The following PAN3 variants were observed in gnomAD, a reference collection of about 807,000 sequenced individuals.
PAN3 encodes the protein poly(A) specific ribonuclease subunit PAN3.
In PAN3, 19 loss-of-function variants were observed where a neutral mutation model predicts 96.2. That is an observed-to-expected ratio of 0.20 (90% CI 0.14 to 0.29). The LOEUF (loss-of-function observed/expected upper bound fraction) is 0.29, where lower values mean the gene tolerates loss of function less well. PAN3 is among the 10% of genes least tolerant of loss of function. The probability of loss-of-function intolerance (pLI) is 1.00; values close to 1 mark genes in which losing one functional copy is unlikely to be tolerated. For missense variants in PAN3, 882 were observed against 1,108.1 expected, an observed-to-expected ratio of 0.80 and a Z score of 2.90; for synonymous variants, 433 against 406.6, an observed-to-expected ratio of 1.06 and a Z score of -0.78.
rs531392045 is a variant in PAN3 at position 28,139,135 on chromosome 13, T to A, written c.430+48T>A. The A allele has an allele frequency of 4.9e-4, 616 of 1,265,564 alleles. 2 individuals are homozygous for A. The African/African-American group carries it at 8.8e-3, about 18-fold the overall frequency. 78.4% of individuals were successfully genotyped at this position (1,265,564 alleles called of 1,614,324 possible). ...GGGCCGCGGCGGCGGAGGGCAGGCC[T>A]GGGCCGGATGAGGCCCTGCTGCCGA... On this transcript the variant is annotated intron_variant, in intron 1 of 18. Coordinates refer to ENST00000380958, the MANE Select transcript of PAN3 (RefSeq NM_175854.8).
Position 28,292,489 on chromosome 13 carries a change from A to G in PAN3, c.2631A>G (p.Gln877=). The change falls in exon 19 of 19, where the codon CAA becomes CAG. Residue 877 remains glutamine, a synonymous_variant. Coordinates refer to ENST00000380958, the MANE Select transcript of PAN3 (RefSeq NM_175854.8). ...DLKRCFENTF[Q]ELIAAANGQL ...AGCGCTGCTTTGAAAATACTTTTCAAGAACTGATTGCAGCTGCAAATGGTC... is the reference window on the plus strand; with the variant it reads ...AGCGCTGCTTTGAAAATACTTTTCAGGAACTGATTGCAGCTGCAAATGGTC... The G allele has an allele frequency of 3.1e-6, 5 of 1,612,508 alleles. No individual in the cohort carries two copies. Among genetic ancestry groups the G allele is most frequent in the Non-Finnish European group, 3.4e-6 (4 of 1,179,462 alleles).
At chr13:28,285,360 T>TTG (rs1868848689) in intron 17 of PAN3, among the ~76,000 whole-genome samples, 1 of 152,202 alleles carries the variant, frequency 6.6e-6, no homozygotes, top group African/African-American at 2.4e-5. Flanking sequence ...ATTTGAAGCA[T>TTG]TGTTCCTTTT....
chr13:28,194,089 G>A (rs1426550250), intron 4 of PAN3, among the ~76,000 whole-genome samples: 2 of 150,400 alleles, frequency 1.3e-5, no homozygotes, highest in Admixed American at 1.3e-4. Context: ...CTAGGGAGGC[G>A]GAGGTTGCAG....
At chr13:28,273,782 T>TA (rs554270761) in intron 14 of PAN3, among the ~76,000 whole-genome samples, 255 of 152,296 alleles carry the variant, frequency 1.7e-3, no homozygotes, top group South Asian at 3.7e-3. Flanking sequence ...TTTATTAACT[T>TA]ACAAAGGTTT....
chr13:28,144,963 C>G (rs530927278), intron 1 of PAN3, among the ~76,000 whole-genome samples: 12 of 152,144 alleles, frequency 7.9e-5, no homozygotes, highest in Admixed American at 2.6e-4. Flanking sequence ...CGTGATCCAC[C>G]TGCCTCAGCC....
chr13:28,230,103 A>G (rs1046789076), intron 6 of PAN3, among the ~76,000 whole-genome samples: 4 of 149,998 alleles, frequency 2.7e-5, no homozygotes, highest in African/African-American at 7.4e-5. Flanking sequence ...TGAGTCAAGG[A>G]CTTGAATTGT....
intron 1 of PAN3, among the ~76,000 whole-genome samples, chr13:28,141,462 CTTTTTTTTTTTTTTT>C (rs759736683): frequency 1.1e-5 from 1 of 90,350 alleles, no homozygotes; most frequent in Non-Finnish European, 2.2e-5. Flanking sequence ...TTCTTTTTTT[CTTTTTTTTTTTTTTT>C]TTTTTTTGAG....
Position 28,223,351 on chromosome 13 carries a change from C to T in PAN3, c.1000+2973C>T, listed in dbSNP as rs189610156. Among the ~76,000 whole-genome samples the T allele has an allele frequency of 2.6e-5, 4 of 151,322 alleles. No homozygotes were observed. The East Asian group carries it at 8.2e-4, about 31-fold the overall frequency. ...TACAGTTTTGTTATGCATATTGAAC[C>T]TATGAACAATAGCTACATTTCTAAG... On this transcript the variant is annotated intron_variant, in intron 6 of 18. Coordinates refer to ENST00000380958, the MANE Select transcript of PAN3 (RefSeq NM_175854.8).
At chr13:28,279,661 A>G (rs1360463843) in intron 15 of PAN3, among the ~76,000 whole-genome samples, 1 of 151,514 alleles carries the variant, frequency 6.6e-6, no homozygotes, top group Non-Finnish European at 1.5e-5. Context: ...TCACGAGGCT[A>G]AGGCAGGAGA....
At chr13:28,184,323 A>G (rs1175588468) in intron 4 of PAN3, among the ~76,000 whole-genome samples, 2 of 151,820 alleles carry the variant, frequency 1.3e-5, no homozygotes, top group East Asian at 1.9e-4. Flanking sequence ...AGTTACATCA[A>G]CAGTTCTTTG....
In PAN3 at chr13:28,215,906, C is replaced by G. The variant is rs1880698381; in HGVS notation, c.853-4325C>G. The G allele has an allele frequency of 1.4e-5, 18 of 1,251,592 alleles. 1 individual carries two copies. In the South Asian group the frequency reaches 2.0e-4, roughly 14 times the overall value. 77.5% of individuals were successfully genotyped at this position (1,251,592 alleles called of 1,614,324 possible). A position where few individuals can be genotyped will look rare whatever the true frequency, so the allele number is the denominator to read the frequency against. Reference sequence around the variant, plus strand: ...CTCAGAAGGCTAAATGAATATTATCCCTAATACCTGCCACTCTAGTCTTAA... The same window carrying G: ...CTCAGAAGGCTAAATGAATATTATCGCTAATACCTGCCACTCTAGTCTTAA... On this transcript the variant is annotated intron_variant, in intron 5 of 18. Transcript: ENST00000380958.
intron 18 of PAN3, among the ~76,000 whole-genome samples, chr13:28,291,079 C>G (rs892129756): frequency 1.3e-5 from 2 of 152,060 alleles, no homozygotes; most frequent in African/African-American, 4.8e-5. Flanking sequence ...TGACAATATT[C>G]TAAGTTTGAA....
chr13:28,239,753 C>T, intron 6 of PAN3: 1 of 1,003,508 alleles, frequency 1.0e-6, no homozygotes, highest in Non-Finnish European at 1.4e-6. Context: ...TTCCCCTAAT[C>T]ATAAGGGGTT....
At chr13:28,219,925 A>C (rs903434832) in intron 5 of PAN3, among the ~76,000 whole-genome samples, 8 of 152,212 alleles carry the variant, frequency 5.3e-5, no homozygotes, top group African/African-American at 1.9e-4. Flanking sequence ...AGGTAATCTC[A>C]ACCTCCCAGT....
intron 1 of PAN3, among the ~76,000 whole-genome samples, chr13:28,141,856 C>T (rs1228463559): frequency 1.3e-5 from 2 of 151,988 alleles, no homozygotes; most frequent in Non-Finnish European, 2.9e-5. Context: ...GGTAAGTACC[C>T]TTAAGGTGGA....
chr13:28,138,962 C>A lies in PAN3; in HGVS notation c.305C>A (p.Ala102Asp), dbSNP rs573614975. The A allele has an allele frequency of 2.3e-6, 3 of 1,291,710 alleles. No individual in the cohort carries two copies. The highest frequency in any genetic ancestry group is 4.9e-5 in the South Asian group (2 of 40,532). The allele number at this position is 1,291,710 out of a possible 1,614,324, so 80.0% of individuals were successfully genotyped here. The change falls in exon 1 of 19, where the codon GCC becomes GAC. Residue 102 changes from alanine to aspartate, a missense_variant. Ala to Asp is a moderately radical substitution (Grantham distance 126). Coordinates refer to ENST00000380958, the MANE Select transcript of PAN3 (RefSeq NM_175854.8). Reference protein sequence around the residue: ...GAPVAGFPPGAVAGGGAGPPP... With the variant: ...GAPVAGFPPGDVAGGGAGPPP... The stretch of plus-strand genomic sequence containing the variant: ...CCCGTGGCCGGCTTTCCGCCGGGAG[C>A]CGTCGCGGGCGGGGGAGCTGGGCCG...
intron 1 of PAN3, among the ~76,000 whole-genome samples, chr13:28,165,758 C>CA (rs1796775350): frequency 6.6e-6 from 1 of 152,002 alleles, no homozygotes; most frequent in African/African-American, 2.4e-5. Flanking sequence ...CAAGTCCAAC[C>CA]AAGGTGGGTT....
chr13:28,174,570 G>C (rs925484435), intron 2 of PAN3, among the ~76,000 whole-genome samples, 177 bp downstream of exon 2: 4 of 152,144 alleles, frequency 2.6e-5, no homozygotes, highest in African/African-American at 9.7e-5. Flanking sequence ...GAGAGCTTTT[G>C]TAAGTGGGGG....
chr13:28,230,416 TG>T (rs1249040086), intron 6 of PAN3, among the ~76,000 whole-genome samples: 1 of 151,140 alleles, frequency 6.6e-6, no homozygotes, highest in Non-Finnish European at 1.5e-5. Flanking sequence ...GTTCCATGGA[TG>T]GAAAAAAAAA....
Sources: gnomAD v4.1 joint callset for allele counts (sites outside exome capture counted in the v4.1 genomes callset) on GRCh38, gnomAD v4.1.1 for gene constraint, MANE v1.5 for transcripts, NCBI Gene and HGNC (gene_info 2026-07-23, HGNC 2026-07-21) for gene names.